Variants in WWOX observed in about 807,000 individuals in gnomAD.
WWOX encodes WW domain-containing oxidoreductase.
WWOX carries 69 observed loss-of-function variants against 46.2 expected under a neutral mutation model. The ratio of observed to expected loss-of-function variants is 1.49; its 90% confidence interval spans 1.23 to 1.82. The LOEUF is 1.82. Ranked by LOEUF, WWOX falls within the 40% of genes most tolerant of loss-of-function variation. The pLI is 0.00. For synonymous variants in WWOX, 359 were observed against 202.6 expected, an observed-to-expected ratio of 1.77 and a Z score of -6.56; for missense variants, 919 against 542.6, an observed-to-expected ratio of 1.69 and a Z score of -6.89.
At chr16:79,087,440 G>A (rs2048874170) in intron 8 of WWOX, among the ~76,000 whole-genome samples, 1 of 152,208 alleles carries the variant, frequency 6.6e-6, no homozygotes, top group Admixed American at 6.5e-5. Flanking sequence ...TTTGTAGGCA[G>A]CTTTTCATTT....
At chr16:79,138,236 G>C (rs765260845) in intron 8 of WWOX, among the ~76,000 whole-genome samples, 1 of 152,174 alleles carries the variant, frequency 6.6e-6, no homozygotes, top group Non-Finnish European at 1.5e-5. Flanking sequence ...GTTGGGGAAG[G>C]TTTTATGTTC....
chr16:78,734,012 A>G (rs1386642411), intron 8 of WWOX, among the ~76,000 whole-genome samples: 2 of 151,990 alleles, frequency 1.3e-5, no homozygotes, highest in Non-Finnish European at 2.9e-5. Context: ...GTGAGTCATG[A>G]TCATGCCACT....
chr16:78,807,824 A>C (rs2051083051), intron 8 of WWOX, among the ~76,000 whole-genome samples: 1 of 152,220 alleles, frequency 6.6e-6, no homozygotes, highest in Non-Finnish European at 1.5e-5. Context: ...AAATGAATTA[A>C]AGTTGTATAA....
intron 8 of WWOX, among the ~76,000 whole-genome samples, chr16:78,609,804 C>G (rs959420952): frequency 6.6e-6 from 1 of 152,144 alleles, no homozygotes; most frequent in African/African-American, 2.4e-5. Context: ...ATATTTTTTC[C>G]AAAGCTATCT....
intron 8 of WWOX, among the ~76,000 whole-genome samples, chr16:78,937,365 TTTC>T (rs1351029138): frequency 1.3e-5 from 2 of 152,070 alleles, no homozygotes; most frequent in Non-Finnish European, 2.9e-5. Flanking sequence ...AGACATCCTT[TTTC>T]TTTGAGTATG....
At chr16:78,761,879 C>G (rs1443516948) in intron 8 of WWOX, among the ~76,000 whole-genome samples, 2 of 152,168 alleles carry the variant, frequency 1.3e-5, no homozygotes, top group East Asian at 3.8e-4. Flanking sequence ...TTAGTGCTAA[C>G]TTAGTTCATT....
In WWOX at chr16:78,160,327, G is replaced by T. The variant is rs184992406; in HGVS notation, c.410-3856G>T. ...TTTTGTAGAGATGGAATTTTGCCAT[G>T]TTGCCCAGGCTGGTCTCGAACTCTT... On this transcript the variant is annotated intron_variant, in intron 4 of 8. Transcript: ENST00000566780. Among the ~76,000 whole-genome samples, 285 of 152,176 alleles carry T rather than the reference G, an allele frequency of 1.9e-3. 3 individuals carry two copies. The highest frequency in any genetic ancestry group is 0.011 in the South Asian group (54 of 4,828).
intron 5 of WWOX, among the ~76,000 whole-genome samples, chr16:78,246,937 C>A (rs1049683541): frequency 1.2e-4 from 19 of 152,122 alleles, no homozygotes; most frequent in Admixed American, 8.5e-4. Flanking sequence ...GCAAGATGTC[C>A]TGTTTCCAGT....
At chr16:78,963,328 C>T (rs1021050242) in intron 8 of WWOX, among the ~76,000 whole-genome samples, 19 of 152,046 alleles carry the variant, frequency 1.2e-4, no homozygotes, top group Admixed American at 1.0e-3. Context: ...AATTAGCTGC[C>T]CATGGTGGTG....
At chr16:78,760,676 C>G (rs562288530) in intron 8 of WWOX, among the ~76,000 whole-genome samples, 1 of 152,320 alleles carries the variant, frequency 6.6e-6, no homozygotes, top group Non-Finnish European at 1.5e-5. Flanking sequence ...GACGGCTTGT[C>G]TCAAGCTGCT....
At chr16:79,133,868 A>C (rs114583058) in intron 8 of WWOX, among the ~76,000 whole-genome samples, 1,530 of 152,318 alleles carry the variant, frequency 0.01, 31 homozygotes, top group African/African-American at 0.035. Context: ...GGCACAAAAA[A>C]TGTGCAAAAT....
intron 8 of WWOX, chr16:79,203,518 G>A (rs1309233420): frequency 1.4e-5 from 2 of 142,540 alleles, no homozygotes; most frequent in Non-Finnish European, 3.0e-5. Context: ...TTTTTCTTCA[G>A]TGCTTTTTCA....
intron 8 of WWOX, among the ~76,000 whole-genome samples, chr16:78,698,601 A>C (rs1052604957): frequency 6.6e-6 from 1 of 152,226 alleles, no homozygotes; most frequent in South Asian, 2.1e-4. Context: ...TTCTAATATT[A>C]ATATCTTGCT....
intron 8 of WWOX, among the ~76,000 whole-genome samples, chr16:78,522,620 C>T (rs144641965): frequency 0.011 from 1,609 of 152,278 alleles, 26 homozygotes; most frequent in Middle Eastern, 0.044. Context: ...TTTTATCAGC[C>T]GCAAGAGGAA....
Position 78,692,708 on chromosome 16 carries a change from G to A in WWOX, c.1056+259956G>A, listed in dbSNP as rs139201834. Among the ~76,000 whole-genome samples, 687 of 152,326 alleles carry A rather than the reference G, an allele frequency of 4.5e-3. 1 individual carries two copies. Among genetic ancestry groups the A allele is most frequent in the Middle Eastern group, 6.8e-3 (2 of 294 alleles). ...TAAATAGGTTGTTTATGATCCCTGT[G>A]AAACAAGAAGACCCTCTTAATTTCA... is the stretch of plus-strand genomic sequence containing the variant. On this transcript the variant is annotated intron_variant, in intron 8 of 8. Coordinates refer to ENST00000566780, the MANE Select transcript of WWOX (RefSeq NM_016373.4).
At chr16:79,012,958 G>A (rs549684230) in intron 8 of WWOX, among the ~76,000 whole-genome samples, 106 of 152,338 alleles carry the variant, frequency 7.0e-4, no homozygotes, top group Non-Finnish European at 1.3e-3. Flanking sequence ...TTGGGAGGCC[G>A]AGGCGGGTGG....
intron 8 of WWOX, among the ~76,000 whole-genome samples, chr16:79,013,726 C>T (rs1437627211): frequency 1.3e-5 from 2 of 152,208 alleles, no homozygotes; most frequent in South Asian, 4.1e-4. Flanking sequence ...GATGGGAGCT[C>T]CCGGAAGCAA....
At chr16:78,737,943 A>T (rs1436377522) in intron 8 of WWOX, among the ~76,000 whole-genome samples, 1 of 151,932 alleles carries the variant, frequency 6.6e-6, no homozygotes, top group Non-Finnish European at 1.5e-5. Context: ...GTTTTAATCA[A>T]TTTTCCCCAT....
chr16:78,113,935 C>G (rs559798855), intron 3 of WWOX, among the ~76,000 whole-genome samples: 20 of 151,876 alleles, frequency 1.3e-4, no homozygotes, highest in African/African-American at 4.3e-4. Flanking sequence ...ATTTTACACA[C>G]ACATACTTTT....
Sources: gnomAD v4.1 joint callset for allele counts (sites outside exome capture counted in the v4.1 genomes callset) on GRCh38, gnomAD v4.1.1 for gene constraint, MANE v1.5 for transcripts, NCBI Gene and HGNC (gene_info 2026-07-23, HGNC 2026-07-21) for gene names.